The following BTBD9 variants were observed in gnomAD, a reference collection of about 807,000 sequenced individuals.
BTBD9 encodes the protein BTB/POZ domain-containing protein 9.
Under a neutral mutation model 64.3 loss-of-function variants are expected in BTBD9, and 49 were observed. That is an observed-to-expected ratio of 0.76 (90% CI 0.61 to 0.97). The LOEUF is 0.97. Ranked by LOEUF, BTBD9 falls within the 50% of genes least tolerant of loss-of-function variation. BTBD9 has a pLI of 0.00. For synonymous variants in BTBD9, 260 were observed against 274.7 expected (o/e 0.95, Z 0.53); for missense variants, 598 against 762.1 (o/e 0.78, Z 2.53).
chr6:38,425,277 T>C (rs554649992), intron 6 of BTBD9, among the ~76,000 whole-genome samples: 2 of 151,842 alleles, frequency 1.3e-5, no homozygotes, highest in East Asian at 3.9e-4. Flanking sequence ...AGTTAACTTT[T>C]GTATTTTTAG....
At chr6:38,391,483 T>A (rs904246933) in intron 6 of BTBD9, among the ~76,000 whole-genome samples, 6 of 152,236 alleles carry the variant, frequency 3.9e-5, no homozygotes, top group Admixed American at 3.9e-4. Context: ...GAGCTTCCTA[T>A]CTTCTTACAT....
At chr6:38,245,755 T>C (rs2127527608) in intron 9 of BTBD9, among the ~76,000 whole-genome samples, 2 of 152,282 alleles carry the variant, frequency 1.3e-5, no homozygotes, top group South Asian at 4.1e-4. Context: ...GTGATGATGG[T>C]AGGTGAACTA....
intron 2 of BTBD9, 95 bp from the exon 3 acceptor site, chr6:38,594,422 AT>A: frequency 1.4e-6 from 2 of 1,394,564 alleles, no homozygotes; most frequent in African/African-American, 1.4e-5. Flanking sequence ...GCAAATATAA[AT>A]TTTTTTAATG....
intron 6 of BTBD9, among the ~76,000 whole-genome samples, chr6:38,401,958 T>C (rs1766945952): frequency 6.6e-6 from 1 of 152,204 alleles, no homozygotes; most frequent in Non-Finnish European, 1.5e-5. Context: ...CTTTCTATAT[T>C]GGTTCCAATA....
At chr6:38,587,571 T>C (rs1181964014) in intron 4 of BTBD9, 2 of 576,152 alleles carry the variant, frequency 3.5e-6, no homozygotes, top group East Asian at 4.1e-5. Flanking sequence ...TTCAGTGTAG[T>C]AGGACACTGA....
chr6:38,229,084 G>A (rs1213854951), intron 9 of BTBD9, among the ~76,000 whole-genome samples: 2 of 151,888 alleles, frequency 1.3e-5, no homozygotes, highest in Non-Finnish European at 2.9e-5. Context: ...TGTAATCCCA[G>A]CTACATGGGA....
At chr6:38,561,170 C>A (rs1267298938) in intron 6 of BTBD9, among the ~76,000 whole-genome samples, 1 of 152,196 alleles carries the variant, frequency 6.6e-6, no homozygotes, top group Non-Finnish European at 1.5e-5. Flanking sequence ...CTGCTTTCCA[C>A]AGTGGTTGAA....
At chr6:38,300,469 T>C (rs1762346738) in intron 7 of BTBD9, among the ~76,000 whole-genome samples, 1 of 152,228 alleles carries the variant, frequency 6.6e-6, no homozygotes, top group Non-Finnish European at 1.5e-5. Flanking sequence ...ATTTTCACGA[T>C]ATTGATTCTT....
chr6:38,173,976 TG>T lies in BTBD9; in HGVS notation c.*1008del, dbSNP rs1461850287. 2.6e-5 allele frequency: 4 copies of T among 152,194 alleles called. 1 individual carries two copies. The highest frequency in any genetic ancestry group is 2.6e-4 in the Admixed American group (4 of 15,280). The allele number at this position is 152,194 out of a possible 1,614,324, so 9.4% of individuals were successfully genotyped here. ...CAGTCCCCAGTTGAGTACTGTGGTG[TG>T]GGGGAAGCACGGAGTCCCAGTTCTG... On this transcript the variant is annotated 3_prime_UTR_variant, in exon 11 of 11. Coordinates refer to ENST00000481247, the MANE Select transcript of BTBD9 (RefSeq NM_001099272.2).
At chr6:38,478,918 C>T (rs1562241550) in intron 6 of BTBD9, among the ~76,000 whole-genome samples, 1 of 152,318 alleles carries the variant, frequency 6.6e-6, no homozygotes, top group East Asian at 1.9e-4. Context: ...GAGCTACAAT[C>T]TGTGTTCTCT....
At chr6:38,361,767 G>A (rs1764971859) in intron 6 of BTBD9, among the ~76,000 whole-genome samples, 1 of 151,814 alleles carries the variant, frequency 6.6e-6, no homozygotes, top group African/African-American at 2.4e-5. Context: ...TTGAACCCAG[G>A]AGGCAGAATT....
intron 6 of BTBD9, among the ~76,000 whole-genome samples, chr6:38,369,467 C>G (rs1402175681): frequency 6.6e-6 from 1 of 152,188 alleles, no homozygotes; most frequent in African/African-American, 2.4e-5. Context: ...TAATATCCAT[C>G]TGAGGACAGT....
chr6:38,332,696 TA>T (rs1763727837), intron 7 of BTBD9, among the ~76,000 whole-genome samples: 1 of 152,264 alleles, frequency 6.6e-6, no homozygotes, highest in Non-Finnish European at 1.5e-5. Context: ...AGCAAAATAT[TA>T]AAAAAACACA....
chr6:38,624,688 A>AC (rs1291295365), intron 1 of BTBD9, among the ~76,000 whole-genome samples: 2 of 152,072 alleles, frequency 1.3e-5, no homozygotes, highest in East Asian at 1.9e-4. Flanking sequence ...ATCCAGAAAA[A>AC]AAAAACACTG....
At chr6:38,606,616 C>T (rs1006906445) in intron 1 of BTBD9, among the ~76,000 whole-genome samples, 1 of 152,080 alleles carries the variant, frequency 6.6e-6, no homozygotes, top group African/African-American at 2.4e-5. Flanking sequence ...AATCTGAAAA[C>T]AAGCTTAAAA....
intron 9 of BTBD9, among the ~76,000 whole-genome samples, chr6:38,197,607 T>C (rs190371190): frequency 1.2e-4 from 19 of 152,302 alleles, no homozygotes; most frequent in African/African-American, 4.6e-4. Context: ...ATAACAGTAC[T>C]TACCATTTGG....
intron 10 of BTBD9, among the ~76,000 whole-genome samples, chr6:38,187,587 G>C (rs1190945705): frequency 6.6e-6 from 1 of 152,198 alleles, no homozygotes; most frequent in Non-Finnish European, 1.5e-5. Context: ...GGAGCTTCCA[G>C]AGCCAGGCGA....
At chr6:38,179,467 C>T (rs1483667729) in intron 10 of BTBD9, 1 of 456,748 alleles carries the variant, frequency 2.2e-6, no homozygotes, top group South Asian at 1.5e-5. Context: ...CAGCAGGTCC[C>T]AGGGCTCCAG....
At chr6:38,395,499 C>T (rs986324067) in intron 6 of BTBD9, among the ~76,000 whole-genome samples, 1 of 152,132 alleles carries the variant, frequency 6.6e-6, no homozygotes, top group Non-Finnish European at 1.5e-5. Flanking sequence ...GAGTAAATGG[C>T]CCTCACCAGA....
Sources: gnomAD v4.1 joint callset for allele counts (sites outside exome capture counted in the v4.1 genomes callset) on GRCh38, gnomAD v4.1.1 for gene constraint, MANE v1.5 for transcripts, NCBI Gene and HGNC (gene_info 2026-07-23, HGNC 2026-07-21) for gene names.